CNTN5: variants seen among roughly 807,000 people sequenced by gnomAD.
The protein encoded by CNTN5 is contactin-5.
A neutral mutation model predicts 129.1 loss-of-function variants in CNTN5; 77 were observed. That is an observed-to-expected ratio of 0.60 (90% CI 0.50 to 0.72). CNTN5 has a LOEUF of 0.72. Among genes scored for constraint, CNTN5 ranks in the 30% least tolerant of loss-of-function variants. The pLI is 0.00. For missense variants in CNTN5, 1,478 were observed against 1,328.8 expected (o/e 1.11, Z -1.75); for synonymous variants, 509 against 465.6 (o/e 1.09, Z -1.20).
Position 99,075,090 on chromosome 11 carries a change from T to C in CNTN5, c.-210+53820T>C, listed in dbSNP as rs138566431. On this transcript the variant is annotated intron_variant, in intron 1 of 24. Transcript: ENST00000524871. ...TAGAATTGGTTATAAATTCTGCACTTTCGTGAATTATTCACTGTTTTTACA... is the reference window on the plus strand; with the variant it reads ...TAGAATTGGTTATAAATTCTGCACTCTCGTGAATTATTCACTGTTTTTACA... Among the ~76,000 whole-genome samples the C allele has an allele frequency of 8.7e-4, 133 of 152,314 alleles. 3 individuals are homozygous for C. The East Asian group carries it at 0.023, about 26-fold the overall frequency.
intron 13 of CNTN5, among the ~76,000 whole-genome samples, chr11:100,131,544 C>A (rs936870898): frequency 6.6e-6 from 1 of 151,884 alleles, no homozygotes; most frequent in African/African-American, 2.4e-5. Context: ...GGACTTGATT[C>A]TTGGCAGGTG....
At chr11:100,292,300 G>C (rs1258652934) in intron 18 of CNTN5, among the ~76,000 whole-genome samples, 1 of 151,896 alleles carries the variant, frequency 6.6e-6, no homozygotes, top group Admixed American at 6.6e-5. Context: ...TTCTCTCATG[G>C]GGTGCATTGA....
intron 2 of CNTN5, among the ~76,000 whole-genome samples, chr11:99,350,438 C>G (rs938747107): frequency 2.0e-5 from 3 of 152,030 alleles, no homozygotes; most frequent in Admixed American, 6.6e-5. Flanking sequence ...GCACTGTGAA[C>G]CAGCAATTTC....
intron 1 of CNTN5, among the ~76,000 whole-genome samples, chr11:99,220,864 T>G (rs2135701670): frequency 6.6e-6 from 1 of 151,946 alleles, no homozygotes; most frequent in African/African-American, 2.4e-5. Context: ...ATTTTCACCT[T>G]ATGAAAACAA....
chr11:99,907,112 T>C (rs1042287495), intron 6 of CNTN5, among the ~76,000 whole-genome samples: 3 of 152,138 alleles, frequency 2.0e-5, no homozygotes, highest in Non-Finnish European at 2.9e-5. Context: ...TTTTTGTGTC[T>C]GTATCTCCTT....
In CNTN5 at chr11:99,029,422, CT is replaced by C. The variant is rs555902421; in HGVS notation, c.-210+8153del. Among the ~76,000 whole-genome samples the C allele has an allele frequency of 3.5e-3, 534 of 152,002 alleles. 3 individuals carry two copies. The highest frequency in any genetic ancestry group is 0.012 in the African/African-American group (513 of 41,470). On this transcript the variant is annotated intron_variant, in intron 1 of 24. Transcript: ENST00000524871. ...TCAAAGGAAGTGAGAAGTTTGACCA[CT>C]GACATTGAAAAGATGGAAAATCGTT...
At chr11:99,464,485 G>A (rs1944856937) in intron 2 of CNTN5, among the ~76,000 whole-genome samples, 1 of 152,036 alleles carries the variant, frequency 6.6e-6, no homozygotes, top group African/African-American at 2.4e-5. Flanking sequence ...TATATTTATA[G>A]GTGATGAGTA....
At chr11:99,402,855 T>C (rs1254488708) in intron 2 of CNTN5, among the ~76,000 whole-genome samples, 1 of 152,186 alleles carries the variant, frequency 6.6e-6, no homozygotes, top group East Asian at 1.9e-4. Context: ...TTTATTGGCA[T>C]ATAGTTACTC....
chr11:99,659,415 T>C (rs184206989), intron 3 of CNTN5, among the ~76,000 whole-genome samples: 51 of 152,304 alleles, frequency 3.3e-4, no homozygotes, highest in African/African-American at 1.2e-3. Context: ...TTTTAGGTTT[T>C]GGTAACTGTA....
chr11:100,354,902 A>T (rs1231752795), intron 24 of CNTN5, among the ~76,000 whole-genome samples: 1 of 151,738 alleles, frequency 6.6e-6, no homozygotes, highest in Admixed American at 6.6e-5. Context: ...CAGGGCAGTT[A>T]ACAGGAACAG....
At chr11:99,272,791 C>A (rs553980273) in intron 1 of CNTN5, among the ~76,000 whole-genome samples, 1 of 151,876 alleles carries the variant, frequency 6.6e-6, no homozygotes, top group East Asian at 1.9e-4. Context: ...TTTCCACATA[C>A]ACATTTAGTT....
intron 3 of CNTN5, among the ~76,000 whole-genome samples, chr11:99,583,699 C>A (rs890935471): frequency 6.6e-6 from 1 of 152,136 alleles, no homozygotes; most frequent in Non-Finnish European, 1.5e-5. Context: ...GTGGGAGTGA[C>A]CTGATTTTCC....
At chr11:100,282,070 G>C (rs975772213) in intron 18 of CNTN5, among the ~76,000 whole-genome samples, 2 of 142,038 alleles carry the variant, frequency 1.4e-5, no homozygotes, top group African/African-American at 5.3e-5. Context: ...ACATATCTCC[G>C]TTTCTCCAGG....
At chr11:99,859,416 A>G (rs921269868) in intron 6 of CNTN5, among the ~76,000 whole-genome samples, 1 of 152,162 alleles carries the variant, frequency 6.6e-6, no homozygotes, top group African/African-American at 2.4e-5. Context: ...ACCTGGGTAC[A>G]TTGCATGATG....
chr11:99,213,146 G>T (rs1311056828), intron 1 of CNTN5, among the ~76,000 whole-genome samples: 1 of 150,610 alleles, frequency 6.6e-6, no homozygotes, highest in African/African-American at 2.4e-5. Context: ...AGCTGAGATT[G>T]CACCACTGCA....
intron 3 of CNTN5, among the ~76,000 whole-genome samples, chr11:99,562,402 C>T (rs1372337108): frequency 6.6e-6 from 1 of 152,136 alleles, no homozygotes; most frequent in African/African-American, 2.4e-5. Context: ...TCCTGTTGAT[C>T]TGTCTTTCAT....
intron 6 of CNTN5, among the ~76,000 whole-genome samples, chr11:99,885,287 A>T (rs1180364843): frequency 1.3e-5 from 2 of 151,956 alleles, no homozygotes; most frequent in Non-Finnish European, 2.9e-5. Flanking sequence ...GTCTCAAAAT[A>T]AAAAAAAGAA....
intron 13 of CNTN5, among the ~76,000 whole-genome samples, chr11:100,075,483 A>G (rs1413394841): frequency 6.6e-6 from 1 of 152,194 alleles, no homozygotes; most frequent in African/African-American, 2.4e-5. Context: ...AGGGGCCTTC[A>G]GAAATGAAGA....
intron 6 of CNTN5, among the ~76,000 whole-genome samples, chr11:99,904,287 A>G (rs1949435562): frequency 6.7e-6 from 1 of 149,976 alleles, no homozygotes; most frequent in South Asian, 2.1e-4. Flanking sequence ...CTAGCACCCA[A>G]CCCCCCTCCC....
Sources: allele counts gnomAD v4.1 joint callset (sites outside exome capture counted in the v4.1 genomes callset), GRCh38; gene constraint gnomAD v4.1.1; transcripts MANE v1.5; gene names NCBI Gene and HGNC (gene_info 2026-07-23, HGNC 2026-07-21).